The following SYN2 variants were observed in gnomAD, a reference collection of about 807,000 sequenced individuals.
The protein encoded by SYN2 is synapsin-2.
A neutral mutation model predicts 50.9 loss-of-function variants in SYN2; 19 were observed. That is an observed-to-expected ratio of 0.37 (90% CI 0.26 to 0.55). The LOEUF (loss-of-function observed/expected upper bound fraction) is 0.55. Ranked by LOEUF, SYN2 falls within the 20% of genes least tolerant of loss-of-function variation. SYN2 has a pLI of 0.81. For missense variants in SYN2, 587 were observed against 576.4 expected, an observed-to-expected ratio of 1.02 and a Z score of -0.19; for synonymous variants, 255 against 224.9, an observed-to-expected ratio of 1.13 and a Z score of -1.20.
At chr3:12,174,759 C>T (rs1698024996) in intron 10 of SYN2, among the ~76,000 whole-genome samples, 1 of 152,214 alleles carries the variant, frequency 6.6e-6, no homozygotes, top group Non-Finnish European at 1.5e-5. Context: ...GGATTACAGG[C>T]ATGAGCCACC....
intron 1 of SYN2, among the ~76,000 whole-genome samples, chr3:12,077,523 A>G (rs538379774): frequency 6.6e-6 from 1 of 151,088 alleles, no homozygotes; most frequent in African/African-American, 2.5e-5. Context: ...CCCTGTGTCC[A>G]TATGTTCTCA....
chr3:12,033,513 C>G (rs1694427291), intron 1 of SYN2, among the ~76,000 whole-genome samples: 1 of 151,974 alleles, frequency 6.6e-6, no homozygotes, highest in African/African-American at 2.4e-5. Flanking sequence ...CTCTTTTTTC[C>G]CAAATTGAGA....
chr3:12,115,524 A>G (rs1481216109), intron 1 of SYN2, among the ~76,000 whole-genome samples: 2 of 152,194 alleles, frequency 1.3e-5, no homozygotes, highest in Admixed American at 1.3e-4. Context: ...ATATCAGATG[A>G]AACCTTCTAG....
intron 5 of SYN2, chr3:12,157,043 G>T: frequency 2.5e-6 from 2 of 795,496 alleles, no homozygotes; most frequent in Non-Finnish European, 4.0e-6. Context: ...CAAAAGTCTA[G>T]TTGAGGATTT....
intron 1 of SYN2, among the ~76,000 whole-genome samples, chr3:12,025,398 G>T (rs1694235803): frequency 6.6e-6 from 1 of 152,296 alleles, no homozygotes. Flanking sequence ...GGAAGAAAGG[G>T]ATTATTGGTT....
At chr3:12,178,307 T>G (rs947616391) in intron 10 of SYN2, among the ~76,000 whole-genome samples, 1 of 152,218 alleles carries the variant, frequency 6.6e-6, no homozygotes, top group African/African-American at 2.4e-5. Context: ...GCAGCTGGTC[T>G]CAGGCCAACA....
At chr3:12,118,729 AT>A (rs1445082422) in intron 1 of SYN2, among the ~76,000 whole-genome samples, 1 of 152,130 alleles carries the variant, frequency 6.6e-6, no homozygotes, top group Non-Finnish European at 1.5e-5. Context: ...CCATCACCTT[AT>A]TTATTGGGCT....
intron 1 of SYN2, among the ~76,000 whole-genome samples, chr3:12,139,769 A>G (rs2125215447): frequency 6.6e-6 from 1 of 152,358 alleles, no homozygotes; most frequent in East Asian, 1.9e-4. Context: ...CTTACCTAAC[A>G]GGTAGAGTAT....
At chr3:12,104,282 G>A (rs1188868009) in intron 1 of SYN2, among the ~76,000 whole-genome samples, 1 of 152,060 alleles carries the variant, frequency 6.6e-6, no homozygotes, top group Non-Finnish European at 1.5e-5. Context: ...CAAAATATGT[G>A]TAAGGCAAAA....
chr3:12,117,630 A>T (rs1445142731), intron 1 of SYN2, among the ~76,000 whole-genome samples: 1 of 152,188 alleles, frequency 6.6e-6, no homozygotes, highest in African/African-American at 2.4e-5. Flanking sequence ...AACCAACAGC[A>T]TTCTGGATGG....
intron 1 of SYN2, among the ~76,000 whole-genome samples, chr3:12,101,660 AG>A (rs1034761898): frequency 3.3e-5 from 5 of 152,186 alleles, no homozygotes; most frequent in African/African-American, 1.2e-4. Context: ...TCTTTAAAAA[AG>A]GGATACAAGG....
chr3:12,161,734 C>T (rs1194277435), intron 6 of SYN2, 126 bp downstream of exon 6: 37 of 1,226,204 alleles, frequency 3.0e-5, no homozygotes, highest in Non-Finnish European at 3.7e-5. Context: ...AGATGATTTG[C>T]CACCTCTAAA....
Position 12,004,867 on chromosome 3 carries a change from G to A in SYN2, c.316G>A (p.Ala106Thr), listed in dbSNP as rs1486419334. The A allele has an allele frequency of 8.8e-6, 5 of 568,846 alleles. No homozygotes were observed. The highest frequency in any genetic ancestry group is 1.6e-5 in the Non-Finnish European group (5 of 317,908). The allele number at this position is 568,846 out of a possible 1,614,324, so 35.2% of individuals were successfully genotyped here. Residue 106 changes from alanine to threonine, a missense_variant, in exon 1 of 13, where the codon GCG becomes ACG. Ala to Thr is a moderately conservative substitution (Grantham distance 58). Coordinates refer to ENST00000621198, the MANE Select transcript of SYN2 (RefSeq NM_133625.6). ...TGGCCTGGTGGACGCGCCCGCTCCC[G>A]CGCCCGCAGCCGCCAGGAAGGCCAA... ...SAGLVDAPAP[A>T]PAAARKAKVL...
intron 1 of SYN2, among the ~76,000 whole-genome samples, chr3:12,092,567 GCTT>G (rs1349498796): frequency 6.6e-6 from 1 of 152,164 alleles, no homozygotes; most frequent in Non-Finnish European, 1.5e-5. Context: ...ATCTTTCTGA[GCTT>G]CTGTGAATTC....
chr3:12,144,279 G>A (rs1697094999), intron 3 of SYN2, among the ~76,000 whole-genome samples: 1 of 152,172 alleles, frequency 6.6e-6, no homozygotes, highest in South Asian at 2.1e-4. Flanking sequence ...CTCAACCTCA[G>A]TTCTGCGAAA....
chr3:12,126,066 A>G (rs1228467033), intron 1 of SYN2, among the ~76,000 whole-genome samples: 1 of 152,228 alleles, frequency 6.6e-6, no homozygotes, highest in Non-Finnish European at 1.5e-5. Context: ...ATAAGGGGAA[A>G]GCTACTCTTG....
intron 5 of SYN2, among the ~76,000 whole-genome samples, chr3:12,152,374 G>A (rs1166004595): frequency 6.6e-6 from 1 of 152,174 alleles, no homozygotes; most frequent in Non-Finnish European, 1.5e-5. Flanking sequence ...GGCAAGCCAG[G>A]AAGCCTTGCA....
At chr3:12,177,160 CT>C (rs1698094054) in intron 10 of SYN2, among the ~76,000 whole-genome samples, 1 of 152,200 alleles carries the variant, frequency 6.6e-6, no homozygotes, top group Non-Finnish European at 1.5e-5. Flanking sequence ...CTTTTTTGTA[CT>C]GGTTCTCTGG....
intron 1 of SYN2, among the ~76,000 whole-genome samples, chr3:12,061,765 A>G (rs1366643799): frequency 6.6e-6 from 1 of 152,016 alleles, no homozygotes; most frequent in Non-Finnish European, 1.5e-5. Context: ...AAAAAACACT[A>G]CCATTTACAA....
Sources: gnomAD v4.1 joint callset for allele counts (sites outside exome capture counted in the v4.1 genomes callset) on GRCh38, gnomAD v4.1.1 for gene constraint, MANE v1.5 for transcripts, NCBI Gene and HGNC (gene_info 2026-07-23, HGNC 2026-07-21) for gene names.